ADAMTS18: variants seen among roughly 807,000 people sequenced by gnomAD.
ADAMTS18 encodes ADAM metallopeptidase with thrombospondin type 1 motif 18.
In ADAMTS18, 157 loss-of-function variants were observed where a neutral mutation model predicts 165.9. The observed-to-expected ratio is 0.95, with a 90% CI of 0.83 to 1.08. ADAMTS18 has a LOEUF of 1.08. Ranked by LOEUF, ADAMTS18 falls within the 50% of genes least tolerant of loss-of-function variation. The pLI, the probability that ADAMTS18 is intolerant of heterozygous loss-of-function variation, is 0.00. For synonymous variants in ADAMTS18, 782 were observed against 578.2 expected, an observed-to-expected ratio of 1.35 and a Z score of -5.06; for missense variants, 2,040 against 1,534.0, an observed-to-expected ratio of 1.33 and a Z score of -5.51.
chr16:77,417,521 G>A (rs1276003325), intron 3 of ADAMTS18, among the ~76,000 whole-genome samples: 2 of 152,240 alleles, frequency 1.3e-5, no homozygotes, highest in Admixed American at 1.3e-4. Context: ...CGAAGGGACG[G>A]CAGAGAAAGG....
At chr16:77,362,980 C>G (rs1375159077) in intron 6 of ADAMTS18, among the ~76,000 whole-genome samples, 1 of 152,194 alleles carries the variant, frequency 6.6e-6, no homozygotes, top group Non-Finnish European at 1.5e-5. Flanking sequence ...ATTTGACAAG[C>G]TGTTAACTTC....
At chr16:77,400,142 T>A (rs750226938) in intron 3 of ADAMTS18, among the ~76,000 whole-genome samples, 7 of 152,192 alleles carry the variant, frequency 4.6e-5, no homozygotes, top group Non-Finnish European at 1.0e-4. Flanking sequence ...TGGGGTCTCA[T>A]AGAAGACCTC....
intron 12 of ADAMTS18, 61 bp from the exon 13 acceptor site, chr16:77,326,099 G>T (rs2056091496): frequency 2.0e-6 from 3 of 1,501,276 alleles, no homozygotes. Context: ...TTAGTCACAT[G>T]CAATAATATG....
intron 16 of ADAMTS18, among the ~76,000 whole-genome samples, chr16:77,302,170 G>C (rs759898878): frequency 6.6e-6 from 1 of 151,954 alleles, no homozygotes; most frequent in Non-Finnish European, 1.5e-5. Context: ...CAGTGTTTCT[G>C]TTAATGTTTT....
intron 2 of ADAMTS18, among the ~76,000 whole-genome samples, chr16:77,432,791 A>G (rs1481207075): frequency 6.6e-6 from 1 of 151,770 alleles, no homozygotes; most frequent in Non-Finnish European, 1.5e-5. Context: ...AAACTAAGGA[A>G]TAGTGGAGCC....
chr16:77,321,136 C>T lies in ADAMTS18; in HGVS notation c.2230G>A (p.Asp744Asn). 1 of 1,614,162 alleles carries T rather than the reference C, an allele frequency of 6.2e-7. No individual in the cohort carries two copies. Among genetic ancestry groups the T allele is most frequent in the Non-Finnish European group, 8.5e-7 (1 of 1,179,998 alleles). Residue 744 changes from aspartate (D) to asparagine (N), a missense_variant, in exon 15 of 23, where the codon GAT (aspartate) becomes AAT (asparagine). Transcript: ENST00000282849. Reference protein sequence around the residue: ...VSDACGVCKGDNSTCKFYKGL... With the variant: ...VSDACGVCKGNNSTCKFYKGL... ...TTATAAAACTTGCAAGTTGAATTAT[C>T]ACCTTTGCAAACGCCACAAGCATCT...
chr16:77,321,461 T>G (rs2055997742), intron 14 of ADAMTS18, among the ~76,000 whole-genome samples: 1 of 152,188 alleles, frequency 6.6e-6, no homozygotes. Flanking sequence ...AAGTCACTAT[T>G]GCTACTAATA....
At position 77,403,164 on chromosome 16, in the gene ADAMTS18, A is replaced by C. The variant is rs138692600; in HGVS notation, c.495+28131T>G. ...AGGCAACTGATGCACAAAGAGGTCA[A>C]ATGACTTACCCAGGGTCATATAGAT... is the stretch of plus-strand genomic sequence containing the variant. On this transcript the variant is annotated intron_variant, in intron 3 of 22. Transcript: ENST00000282849. Among the ~76,000 whole-genome samples, 186 of 152,334 alleles carry C rather than the reference A, an allele frequency of 1.2e-3. 1 individual carries two copies. The highest frequency in any genetic ancestry group is 4.5e-3 in the African/African-American group (185 of 41,572).
intron 3 of ADAMTS18, 88 bp downstream of exon 3, chr16:77,431,207 G>T: frequency 7.0e-7 from 1 of 1,420,330 alleles, no homozygotes; most frequent in Non-Finnish European, 9.9e-7. Context: ...GGAGTTGGCT[G>T]GAAGAGCATT....
rs990172075 is a variant in ADAMTS18, at chr16:77,421,313, T to C, written c.495+9982A>G. The stretch of plus-strand genomic sequence containing the variant: ...GAGTGTATTTTGCCCTGTAATTGGA[T>C]AGAAAACCGTGGGAACGGGCTTTCA... On this transcript the variant is annotated intron_variant, in intron 3 of 22. Transcript: ENST00000282849. Among the ~76,000 whole-genome samples, 3 of 152,344 alleles carry C rather than the reference T, an allele frequency of 2.0e-5. No homozygotes were observed. The East Asian group carries it at 5.8e-4, about 29-fold the overall frequency.
intron 11 of ADAMTS18, among the ~76,000 whole-genome samples, chr16:77,340,022 T>C (rs552443572): frequency 3.9e-5 from 6 of 152,184 alleles, no homozygotes; most frequent in Admixed American, 2.0e-4. Flanking sequence ...GTACTTGTTG[T>C]GGTTTATTCT....
rs1313089198 is a variant in ADAMTS18 at position 77,297,408 on chromosome 16, T to C, written c.2682A>G (p.Ile894Met). 1 of 1,612,368 alleles carries C rather than the reference T, an allele frequency of 6.2e-7. No individual in the cohort carries two copies. Among genetic ancestry groups the C allele is most frequent in the African/African-American group, 1.3e-5 (1 of 75,018 alleles). The change falls in exon 18 of 23, where the codon ATA becomes ATG. Residue 894 changes from isoleucine (I) to methionine (M), a missense_variant. Ile to Met is a conservative substitution (Grantham distance 10). Transcript: ENST00000282849. ...CTCGCAAGCAAATGGCCTTTACATT[T>C]ATGTAACCTGGTAAGACATCAGAAG... ...ECSVSCGGGYINVKAICLRDQ... is the reference protein window; with the variant it reads ...ECSVSCGGGYMNVKAICLRDQ...
intron 12 of ADAMTS18, among the ~76,000 whole-genome samples, chr16:77,328,469 C>T (rs567275777): frequency 2.1e-4 from 32 of 152,236 alleles, no homozygotes; most frequent in African/African-American, 6.7e-4. Flanking sequence ...TATAACTGCA[C>T]GCTAAAATGG....
chr16:77,376,501 A>G lies in ADAMTS18; in HGVS notation c.496-8778T>C, dbSNP rs1597194014. On this transcript the variant is annotated intron_variant, in intron 3 of 22. Coordinates refer to ENST00000282849, the MANE Select transcript of ADAMTS18 (RefSeq NM_199355.4). ...CCCCAACTCTCCACCCAGGGAACCA[A>G]CCCCTTCCCCTCAAGAGACAAGAGT... 2.6e-5 allele frequency among the ~76,000 whole-genome samples: 4 copies of G among 152,084 alleles called. No homozygotes were observed. The South Asian group carries it at 8.3e-4, about 32-fold the overall frequency.
chr16:77,355,235 T>TGTGTG (rs1555517734), intron 9 of ADAMTS18, among the ~76,000 whole-genome samples: 2 of 151,882 alleles, frequency 1.3e-5, no homozygotes, highest in South Asian at 2.1e-4. Flanking sequence ...TGTGTGTGTA[T>TGTGTG]TTCAACTTTG....
chr16:77,314,775 TATATATATATAAAA>T (rs1393186788), intron 16 of ADAMTS18, among the ~76,000 whole-genome samples: 2 of 84,414 alleles, frequency 2.4e-5, no homozygotes, highest in African/African-American at 9.2e-5. Flanking sequence ...TATATATATA[TATATATATATAAAA>T]TATATGTGAT....
intron 3 of ADAMTS18, among the ~76,000 whole-genome samples, chr16:77,368,417 C>A (rs2056830158): frequency 6.6e-6 from 1 of 151,276 alleles, no homozygotes; most frequent in African/African-American, 2.4e-5. Flanking sequence ...AAGTGGTTCA[C>A]ACTTGATTTT....
intron 4 of ADAMTS18, among the ~76,000 whole-genome samples, chr16:77,366,239 T>C (rs1032847976): frequency 6.6e-6 from 1 of 152,192 alleles, no homozygotes; most frequent in Non-Finnish European, 1.5e-5. Flanking sequence ...TTTAAAAGTT[T>C]AAAAAGCAAT....
Position 77,431,491 on chromosome 16 carries a change from C to T in ADAMTS18, c.299G>A (p.Arg100Gln), listed in dbSNP as rs768100645. The change falls in exon 3 of 23, where the codon CGA becomes CAA. Residue 100 changes from arginine (R) to glutamine (Q), a missense_variant. By Grantham distance (43) the Arg-to-Gln change is conservative. Coordinates refer to ENST00000282849, the MANE Select transcript of ADAMTS18 (RefSeq NM_199355.4). ...CAGTTCCTGTCCAAATGCTGAAAAT[C>T]GGTAGTGCAGGGAGCTTCTGGCATT... is the stretch of plus-strand genomic sequence containing the variant. ...AQNARSSLHY[R>Q]FSAFGQELHL... is the part of the protein sequence containing the mutation. The T allele has an allele frequency of 1.3e-5, 21 of 1,614,050 alleles. No individual in the cohort carries two copies. The highest frequency in any genetic ancestry group is 8.9e-5 in the East Asian group (4 of 44,890).
Sources: gnomAD v4.1 joint callset for allele counts (sites outside exome capture counted in the v4.1 genomes callset) on GRCh38, gnomAD v4.1.1 for gene constraint, MANE v1.5 for transcripts, NCBI Gene and HGNC (gene_info 2026-07-23, HGNC 2026-07-21) for gene names.